The following CLSTN2 variants were observed in gnomAD, a reference collection of about 807,000 sequenced individuals.
The protein encoded by CLSTN2 is calsyntenin-2.
In CLSTN2, 48 loss-of-function variants were observed where a neutral mutation model predicts 101.2. The ratio of observed to expected loss-of-function variants is 0.47; its 90% confidence interval spans 0.38 to 0.60. CLSTN2 has a LOEUF of 0.60. Ranked by LOEUF, CLSTN2 falls within the 20% of genes least tolerant of loss-of-function variation. The pLI is 0.00. For synonymous variants in CLSTN2, 481 were observed against 463.6 expected (o/e 1.04, Z -0.48); for missense variants, 1,160 against 1,238.2 (o/e 0.94, Z 0.95).
At chr3:140,474,300 C>A (rs760756883) in intron 8 of CLSTN2, among the ~76,000 whole-genome samples, 1 of 152,070 alleles carries the variant, frequency 6.6e-6, no homozygotes, top group Non-Finnish European at 1.5e-5. Flanking sequence ...TACCACAGGT[C>A]TCCACAGCCC....
chr3:140,166,963 A>T (rs76122078), intron 1 of CLSTN2, among the ~76,000 whole-genome samples: 2,143 of 152,256 alleles, frequency 0.014, 44 homozygotes, highest in African/African-American at 0.047. Context: ...GAGCTGACTA[A>T]CCTCGCTCTG....
At chr3:140,326,989 T>C (rs1030764180) in intron 2 of CLSTN2, among the ~76,000 whole-genome samples, 6 of 151,976 alleles carry the variant, frequency 3.9e-5, no homozygotes, top group African/African-American at 1.4e-4. Flanking sequence ...AAAAAAGCAA[T>C]CAAATAAGAT....
chr3:140,245,090 A>C (rs2086503937), intron 2 of CLSTN2, among the ~76,000 whole-genome samples: 1 of 152,090 alleles, frequency 6.6e-6, no homozygotes, highest in Admixed American at 6.6e-5. Context: ...GGAGACCCTG[A>C]TCTAGTTATT....
intron 10 of CLSTN2, among the ~76,000 whole-genome samples, chr3:140,552,161 T>A (rs1935715553): frequency 2.0e-5 from 3 of 152,188 alleles, no homozygotes; most frequent in South Asian, 4.2e-4. Context: ...CAGATGCCAG[T>A]CGAATCTCTA....
chr3:140,421,195 C>T lies in CLSTN2; in HGVS notation c.708C>T (p.Tyr236=), dbSNP rs141120664. The T allele has an allele frequency of 1.3e-4, 214 of 1,614,174 alleles. No individual in the cohort carries two copies. The highest frequency in any genetic ancestry group is 1.2e-3 in the African/African-American group (90 of 75,054). ...QHQYEILVTA[Y]DCGQKPAAQD... ...AGTATGAGATCCTGGTGACCGCCTACGACTGTGGACAGAAGCCCGCTGCTC... is the reference window on the plus strand; with the variant it reads ...AGTATGAGATCCTGGTGACCGCCTATGACTGTGGACAGAAGCCCGCTGCTC... Residue 236 remains tyrosine, a synonymous_variant, in exon 5 of 17, where the codon TAC becomes TAT. Coordinates refer to ENST00000458420, the MANE Select transcript of CLSTN2 (RefSeq NM_022131.3).
chr3:140,034,322 A>C (rs1345458201), intron 1 of CLSTN2, among the ~76,000 whole-genome samples: 3 of 152,316 alleles, frequency 2.0e-5, no homozygotes, highest in Middle Eastern at 3.4e-3. Context: ...GCTATGGGGA[A>C]GCAACTAATG....
chr3:140,493,649 G>C (rs987661761), intron 8 of CLSTN2, among the ~76,000 whole-genome samples: 24 of 152,182 alleles, frequency 1.6e-4, no homozygotes, highest in African/African-American at 5.8e-4. Context: ...ATAACAGAAG[G>C]GGGAAGGAGA....
chr3:140,001,138 C>T (rs1360172750), intron 1 of CLSTN2, among the ~76,000 whole-genome samples: 3 of 152,160 alleles, frequency 2.0e-5, no homozygotes, highest in Admixed American at 2.0e-4. Flanking sequence ...ACTTACTCAT[C>T]CTATAAGTAA....
chr3:140,439,037 CTCTAAAGAGG>C (rs2088716623), intron 5 of CLSTN2, among the ~76,000 whole-genome samples: 1 of 152,224 alleles, frequency 6.6e-6, no homozygotes, highest in Non-Finnish European at 1.5e-5. Flanking sequence ...TTGGCACAGG[CTCTAAAGAGG>C]TGGTGCCCAA....
At chr3:140,041,168 A>G (rs953318352) in intron 1 of CLSTN2, among the ~76,000 whole-genome samples, 9 of 152,338 alleles carry the variant, frequency 5.9e-5, no homozygotes, top group Middle Eastern at 3.4e-3. Flanking sequence ...ATCTTGAGAT[A>G]TACAGGCTGT....
intron 2 of CLSTN2, among the ~76,000 whole-genome samples, chr3:140,219,220 T>A (rs1197420939): frequency 1.3e-5 from 2 of 151,976 alleles, no homozygotes; most frequent in African/African-American, 2.4e-5. Flanking sequence ...TGCATAGCCT[T>A]CCATAAAGAG....
rs531872508 is a variant in CLSTN2, at chr3:140,426,780, T to A, written c.787+5506T>A. Among the ~76,000 whole-genome samples, 4 of 152,304 alleles carry A rather than the reference T, an allele frequency of 2.6e-5. No individual in the cohort carries two copies. In the East Asian group the frequency reaches 7.7e-4, roughly 29 times the overall value. ...GAGTCATCTGTGGAACCAGATAGACTGTTTGAGTTCTAAGAGTACTGTTTT... is the reference window on the plus strand; with the variant it reads ...GAGTCATCTGTGGAACCAGATAGACAGTTTGAGTTCTAAGAGTACTGTTTT... On this transcript the variant is annotated intron_variant, in intron 5 of 16. Coordinates refer to ENST00000458420, the MANE Select transcript of CLSTN2 (RefSeq NM_022131.3).
intron 2 of CLSTN2, among the ~76,000 whole-genome samples, chr3:140,396,718 A>G (rs1008173458): frequency 1.3e-5 from 2 of 152,148 alleles, no homozygotes; most frequent in Admixed American, 1.3e-4. Flanking sequence ...CCAACAATTT[A>G]TTATGTGGAC....
intron 1 of CLSTN2, among the ~76,000 whole-genome samples, chr3:139,939,517 G>A (rs945769242): frequency 6.6e-6 from 1 of 152,152 alleles, no homozygotes; most frequent in Non-Finnish European, 1.5e-5. Context: ...TTACCCAGGA[G>A]CCCTTGTGGT....
At chr3:140,556,712 G>T (rs556577984) in intron 11 of CLSTN2, 51 bp downstream of exon 11, 14 of 1,573,816 alleles carry the variant, frequency 8.9e-6, no homozygotes, top group African/African-American at 1.4e-5. Flanking sequence ...AGTTGGGAAG[G>T]TCCCAACTGA....
At chr3:140,134,330 C>G (rs1249557174) in intron 1 of CLSTN2, among the ~76,000 whole-genome samples, 1 of 152,148 alleles carries the variant, frequency 6.6e-6, no homozygotes, top group Non-Finnish European at 1.5e-5. Flanking sequence ...GAACTCTCTG[C>G]TGCCAGAGTC....
At chr3:140,373,841 T>A (rs1287734246) in intron 2 of CLSTN2, among the ~76,000 whole-genome samples, 2 of 152,208 alleles carry the variant, frequency 1.3e-5, no homozygotes, top group African/African-American at 4.8e-5. Context: ...CAGGGAGTTC[T>A]CCACCAGCAC....
intron 5 of CLSTN2, among the ~76,000 whole-genome samples, chr3:140,447,778 C>A (rs1358666813): frequency 6.6e-6 from 1 of 152,160 alleles, no homozygotes; most frequent in Non-Finnish European, 1.5e-5. Flanking sequence ...AGGGGCACAA[C>A]ACTCAAAAAT....
At chr3:140,391,635 C>A (rs1355572696) in intron 2 of CLSTN2, among the ~76,000 whole-genome samples, 5 of 151,618 alleles carry the variant, frequency 3.3e-5, no homozygotes, top group Non-Finnish European at 5.9e-5. Context: ...TAAACTAATA[C>A]TAATATAATA....
Sources: gnomAD v4.1 joint callset for allele counts (sites outside exome capture counted in the v4.1 genomes callset) on GRCh38, gnomAD v4.1.1 for gene constraint, MANE v1.5 for transcripts, NCBI Gene and HGNC (gene_info 2026-07-23, HGNC 2026-07-21) for gene names.